FOCAD: variants seen among roughly 807,000 people sequenced by gnomAD.
The protein encoded by FOCAD is focadhesin, also known as KIAA1797.
In FOCAD, 198 loss-of-function variants were observed where a neutral mutation model predicts 225.6. The observed-to-expected ratio is 0.88, with a 90% CI of 0.78 to 0.99. The LOEUF is 0.99. FOCAD is among the 50% of genes least tolerant of loss of function. FOCAD has a pLI of 0.00. For synonymous variants in FOCAD, 897 were observed against 755.0 expected (o/e 1.19, Z -3.08); for missense variants, 2,713 against 2,123.6 (o/e 1.28, Z -5.46).
chr9:20,967,108 T>A (rs185960854), intron 35 of FOCAD, among the ~76,000 whole-genome samples: 1 of 152,142 alleles, frequency 6.6e-6, no homozygotes, highest in East Asian at 1.9e-4. Flanking sequence ...ATGGATCACT[T>A]TGGGTAGTAT....
chr9:20,771,613 A>G (rs1026272490), intron 8 of FOCAD, among the ~76,000 whole-genome samples: 8 of 152,148 alleles, frequency 5.3e-5, no homozygotes, highest in Non-Finnish European at 8.8e-5. Context: ...ACAAAAAATT[A>G]GCTGGGTGTG....
intron 37 of FOCAD, 91 bp from the exon 38 acceptor site, chr9:20,981,335 T>A: frequency 1.1e-5 from 15 of 1,408,346 alleles, no homozygotes; most frequent in Non-Finnish European, 1.5e-5. Flanking sequence ...TCTCTCAGTC[T>A]ACCCTCAAAC....
At chr9:20,904,481 C>G (rs1482775012) in intron 21 of FOCAD, among the ~76,000 whole-genome samples, 1 of 151,978 alleles carries the variant, frequency 6.6e-6, no homozygotes, top group African/African-American at 2.4e-5. Flanking sequence ...CTGTAACCTT[C>G]TCGCATCCCT....
intron 15 of FOCAD, among the ~76,000 whole-genome samples, chr9:20,823,708 G>C (rs1299328228): frequency 6.6e-6 from 1 of 152,016 alleles, no homozygotes; most frequent in African/African-American, 2.4e-5. Context: ...CCTAACCAAA[G>C]GTTTTGACTT....
At chr9:20,663,660 T>C (rs180950685) in intron 2 of FOCAD, among the ~76,000 whole-genome samples, 26 of 152,298 alleles carry the variant, frequency 1.7e-4, no homozygotes, top group African/African-American at 5.1e-4. Context: ...ACTTCAATAA[T>C]GGTACCAGAA....
rs1288858406 is a variant in FOCAD, at chr9:20,715,423, G to A, written c.57+13G>A. 2 of 1,480,014 alleles carry A rather than the reference G, an allele frequency of 1.4e-6. No individual in the cohort carries two copies. Among genetic ancestry groups the A allele is most frequent in the South Asian group, 3.1e-5 (2 of 64,504 alleles). The allele number at this position is 1,480,014 out of a possible 1,614,324, so 91.7% of individuals were successfully genotyped here. A position where few individuals can be genotyped will look rare whatever the true frequency, so the allele number is the denominator to read the frequency against. On this transcript the variant is annotated intron_variant, in intron 2 of 43. Transcript: ENST00000338382. ...TATCCAATCACAGGTAATTTTGTTTGTTTATTTTTGCTCATGGTAACAAAT... is the reference window on the plus strand; with the variant it reads ...TATCCAATCACAGGTAATTTTGTTTATTTATTTTTGCTCATGGTAACAAAT...
chr9:20,830,583 A>G lies in FOCAD; in HGVS notation c.1920+7468A>G, dbSNP rs113454357. 1.1e-3 allele frequency among the ~76,000 whole-genome samples: 164 copies of G among 152,164 alleles called. 1 individual carries two copies. The highest frequency in any genetic ancestry group is 3.8e-3 in the African/African-American group (159 of 41,542). The stretch of plus-strand genomic sequence containing the variant: ...ATTTTGCTAGAAAGATTTTTGATGT[A>G]GCGACATATTTTAATGGCTTACTTT... On this transcript the variant is annotated intron_variant, in intron 15 of 43. Coordinates refer to ENST00000338382, the MANE Select transcript of FOCAD (RefSeq NM_001375567.1).
At chr9:20,746,864 G>T (rs1290819182) in intron 5 of FOCAD, among the ~76,000 whole-genome samples, 1 of 151,896 alleles carries the variant, frequency 6.6e-6, no homozygotes, top group African/African-American at 2.4e-5. Context: ...TTAACATCTG[G>T]AACTGTTTCT....
intron 24 of FOCAD, among the ~76,000 whole-genome samples, chr9:20,923,183 T>C (rs972993680): frequency 2.6e-5 from 4 of 152,186 alleles, no homozygotes; most frequent in Non-Finnish European, 2.9e-5. Flanking sequence ...TGTCAAGTTG[T>C]AAGGTATGCA....
At chr9:20,723,590 C>T (rs1825962104) in intron 4 of FOCAD, among the ~76,000 whole-genome samples, 1 of 152,088 alleles carries the variant, frequency 6.6e-6, no homozygotes, top group Non-Finnish European at 1.5e-5. Context: ...TGTGTTTTAT[C>T]CCCCCTGTGG....
At chr9:20,738,148 T>C (rs1827299897) in intron 4 of FOCAD, among the ~76,000 whole-genome samples, 1 of 152,204 alleles carries the variant, frequency 6.6e-6, no homozygotes, top group Non-Finnish European at 1.5e-5. Context: ...TTTCCTAAGC[T>C]CTGGCATAAG....
intron 24 of FOCAD, among the ~76,000 whole-genome samples, chr9:20,918,384 A>C (rs548672654): frequency 6.6e-6 from 1 of 152,352 alleles, no homozygotes; most frequent in East Asian, 1.9e-4. Flanking sequence ...ATATGTTTAC[A>C]TGAGTAAAAC....
intron 11 of FOCAD, among the ~76,000 whole-genome samples, chr9:20,798,444 C>T (rs573688486): frequency 6.6e-6 from 1 of 152,078 alleles, no homozygotes; most frequent in African/African-American, 2.4e-5. Flanking sequence ...CCTTGTACCT[C>T]TGGTAGAATT....
chr9:20,986,315 A>C lies in FOCAD; in HGVS notation c.4756A>C (p.Lys1586Gln). The C allele has an allele frequency of 1.3e-6, 2 of 1,491,240 alleles. No individual in the cohort carries two copies. Among genetic ancestry groups the C allele is most frequent in the Non-Finnish European group, 8.9e-7 (1 of 1,120,354 alleles). The allele number at this position is 1,491,240 out of a possible 1,614,324, so 92.4% of individuals were successfully genotyped here. A position where few individuals can be genotyped will look rare whatever the true frequency, so the allele number is the denominator to read the frequency against. Residue 1586 changes from lysine to glutamine, a missense_variant, in exon 40 of 44, where the codon AAA (lysine) becomes CAA (glutamine). By Grantham distance (53) the Lys-to-Gln change is moderately conservative. Coordinates refer to ENST00000338382, the MANE Select transcript of FOCAD (RefSeq NM_001375567.1). ...KSNIEKAAFVKLYLVSQGRFP... is the reference protein window; with the variant it reads ...KSNIEKAAFVQLYLVSQGRFP... ...CAACATAGAAAAAGCTGCCTTTGTCAAACTGTACTTAGTCTCTCAAGGACG... is the reference window on the plus strand; with the variant it reads ...CAACATAGAAAAAGCTGCCTTTGTCCAACTGTACTTAGTCTCTCAAGGACG...
chr9:20,667,701 A>T (rs375814379), intron 2 of FOCAD, among the ~76,000 whole-genome samples: 4 of 152,122 alleles, frequency 2.6e-5, no homozygotes, highest in African/African-American at 9.7e-5. Flanking sequence ...CATGGTCACT[A>T]TTGTGACAGG....
intron 17 of FOCAD, 135 bp from the exon 18 acceptor site, chr9:20,866,794 G>A (rs1829301332): frequency 7.2e-6 from 4 of 556,670 alleles, no homozygotes; most frequent in Non-Finnish European, 9.2e-6. Flanking sequence ...CATTTTCAAA[G>A]CACTGACTGT....
chr9:20,900,333 A>G (rs1412449366), intron 21 of FOCAD, among the ~76,000 whole-genome samples: 1 of 151,744 alleles, frequency 6.6e-6, no homozygotes, highest in East Asian at 1.9e-4. Flanking sequence ...TTTCATTTTT[A>G]TTTCAGAGAA....
intron 10 of FOCAD, chr9:20,786,829 T>C (rs554215157): frequency 5.9e-6 from 1 of 169,182 alleles, no homozygotes; most frequent in Non-Finnish European, 1.3e-5. Flanking sequence ...TTTATTTAAA[T>C]GTATTTTTCT....
chr9:20,986,511 C>T (rs761238259), intron 40 of FOCAD, 46 bp downstream of exon 40: 6 of 1,497,020 alleles, frequency 4.0e-6, no homozygotes, highest in Middle Eastern at 4.2e-4. Flanking sequence ...ATAGATCTGC[C>T]TGCTGTTGCT....
Sources: gnomAD v4.1 joint callset for allele counts (sites outside exome capture counted in the v4.1 genomes callset) on GRCh38, gnomAD v4.1.1 for gene constraint, MANE v1.5 for transcripts, NCBI Gene and HGNC (gene_info 2026-07-23, HGNC 2026-07-21) for gene names.